RIMBP2: variants seen among roughly 807,000 people sequenced by gnomAD.
RIMBP2 encodes the protein RIMS-binding protein 2.
Under a neutral mutation model 118.6 loss-of-function variants are expected in RIMBP2, and 48 were observed. The observed-to-expected ratio is 0.40, with a 90% CI of 0.32 to 0.51. The LOEUF (loss-of-function observed/expected upper bound fraction) is 0.51. RIMBP2 is among the 20% of genes least tolerant of loss of function. The pLI is 0.41. For synonymous variants in RIMBP2, 762 were observed against 742.9 expected, an observed-to-expected ratio of 1.03 and a Z score of -0.42; for missense variants, 1,551 against 1,768.3, an observed-to-expected ratio of 0.88 and a Z score of 2.20.
rs576311082 is a variant in RIMBP2 at position 130,540,525 on chromosome 12, C to T, written c.-216-22608G>A. On this transcript the variant is annotated intron_variant, in intron 2 of 22. Coordinates refer to ENST00000690449, the MANE Select transcript of RIMBP2 (RefSeq NM_001393629.1). ...TCTCAGGAAACCGACCATCAGACCT[C>T]CCAGATAGCATCATGGAACTGAAAC... Among the ~76,000 whole-genome samples, 12 of 152,270 alleles carry T rather than the reference C, an allele frequency of 7.9e-5. No homozygotes were observed. The South Asian group carries it at 2.3e-3, about 29-fold the overall frequency.
At chr12:130,549,663 C>T (rs1397519452) in intron 2 of RIMBP2, among the ~76,000 whole-genome samples, 3 of 152,184 alleles carry the variant, frequency 2.0e-5, no homozygotes, top group Non-Finnish European at 4.4e-5. Flanking sequence ...CCAGCTCCTT[C>T]CATGTTTCCA....
chr12:130,440,753 T>G (rs75980149), intron 11 of RIMBP2, among the ~76,000 whole-genome samples: 2,624 of 152,280 alleles, frequency 0.017, 72 homozygotes, highest in African/African-American at 0.06. Flanking sequence ...CCTGCCTACG[T>G]TAGCTGCTAC....
At chr12:130,603,708 T>G (rs950785550) in intron 2 of RIMBP2, among the ~76,000 whole-genome samples, 1 of 152,178 alleles carries the variant, frequency 6.6e-6, no homozygotes, top group African/African-American at 2.4e-5. Flanking sequence ...GCTGTAGCCC[T>G]ATAGCCCGGT....
intron 4 of RIMBP2, among the ~76,000 whole-genome samples, chr12:130,490,387 C>T (rs377130241): frequency 2.0e-5 from 3 of 152,136 alleles, no homozygotes; most frequent in East Asian, 1.9e-4. Flanking sequence ...GGATTTTTTA[C>T]TATCCCTTAG....
chr12:130,494,576 T>C (rs964623272), intron 4 of RIMBP2, among the ~76,000 whole-genome samples: 15 of 150,668 alleles, frequency 1.0e-4, no homozygotes, highest in African/African-American at 3.7e-4. Context: ...GAGGCAGAGT[T>C]TGCAGTGAAC....
At chr12:130,504,420 A>G (rs752990648) in intron 4 of RIMBP2, among the ~76,000 whole-genome samples, 2 of 152,168 alleles carry the variant, frequency 1.3e-5, no homozygotes, top group Non-Finnish European at 2.9e-5. Context: ...TGAGGTTCCA[A>G]TTCCACTCAC....
intron 12 of RIMBP2, among the ~76,000 whole-genome samples, chr12:130,437,794 T>A (rs1386128266): frequency 2.0e-5 from 3 of 152,258 alleles, no homozygotes; most frequent in Admixed American, 6.5e-5. Context: ...CTGCCTCTGT[T>A]CCCAAGTCAC....
intron 5 of RIMBP2, chr12:130,471,718 C>T (rs1199912227): frequency 6.6e-6 from 1 of 152,420 alleles, no homozygotes. Flanking sequence ...CCCCCAGATG[C>T]TCCTGCTGCT....
intron 1 of RIMBP2, among the ~76,000 whole-genome samples, chr12:130,709,730 C>A (rs533448058): frequency 5.9e-4 from 90 of 152,222 alleles, no homozygotes; most frequent in Non-Finnish European, 1.0e-3. Flanking sequence ...GGAAACCCCC[C>A]CCCTTCCCAC....
intron 15 of RIMBP2, 51 bp downstream of exon 15, chr12:130,428,128 T>G: frequency 1.3e-6 from 2 of 1,502,136 alleles, no homozygotes; most frequent in Non-Finnish European, 1.8e-6. Flanking sequence ...GGGACGTGGA[T>G]GGAGCTACTC....
At chr12:130,609,208 A>G (rs1263747832) in intron 2 of RIMBP2, among the ~76,000 whole-genome samples, 1 of 151,710 alleles carries the variant, frequency 6.6e-6, no homozygotes, top group East Asian at 1.9e-4. Flanking sequence ...CTGCACCCCC[A>G]CGTATGAACT....
At chr12:130,704,721 A>G (rs1018859071) in intron 1 of RIMBP2, among the ~76,000 whole-genome samples, 14 of 152,076 alleles carry the variant, frequency 9.2e-5, no homozygotes, top group African/African-American at 3.1e-4. Context: ...CCCTGCCACC[A>G]CCGCCTCCAC....
At chr12:130,438,334 A>ACCCCCCCCCCC in intron 12 of RIMBP2, 31 bp downstream of exon 12, 1 of 1,344,518 alleles carries the variant, frequency 7.4e-7, no homozygotes, top group Non-Finnish European at 1.1e-6. Context: ...GGGCCTAACA[A>ACCCCCCCCCCC]ACCCTCCCCA....
intron 1 of RIMBP2, chr12:130,668,582 C>T (rs75168003): frequency 0.03 from 4,625 of 152,512 alleles, 104 homozygotes; most frequent in African/African-American, 0.062. Context: ...AGAAAGAACA[C>T]TCGGGGGCCA....
In RIMBP2 at chr12:130,424,952, T is replaced by G; in HGVS notation, c.2413-94A>C. On this transcript the variant is annotated intron_variant, in intron 15 of 22. Coordinates refer to ENST00000690449, the MANE Select transcript of RIMBP2 (RefSeq NM_001393629.1). The surrounding 1 kb of genome is among the most constrained non-coding windows in gnomAD (Gnocchi z 9.8). The stretch of plus-strand genomic sequence containing the variant: ...GGAGGAAAGAAAATACAGACAGAAT[T>G]AGTCCTGGAGGCACCGAGGGGGGGG... The G allele has an allele frequency of 7.7e-6, 5 of 650,724 alleles. No individual in the cohort carries two copies. The highest frequency in any genetic ancestry group is 2.0e-5 in the African/African-American group (1 of 51,214). 40.3% of individuals were successfully genotyped at this position (650,724 alleles called of 1,614,324 possible).
intron 1 of RIMBP2, among the ~76,000 whole-genome samples, chr12:130,640,008 G>C (rs2062543915): frequency 6.6e-6 from 1 of 152,138 alleles, no homozygotes; most frequent in South Asian, 2.1e-4. Flanking sequence ...ACCCTGTGGG[G>C]ACCTGGCTAG....
chr12:130,537,265 A>G (rs2054162260), intron 2 of RIMBP2, among the ~76,000 whole-genome samples: 3 of 152,168 alleles, frequency 2.0e-5, no homozygotes, highest in African/African-American at 7.2e-5. Context: ...ACGAGGCCAT[A>G]GTTTTGCTTA....
Position 130,437,265 on chromosome 12 carries a change from T to C in RIMBP2, c.1683A>G (p.Ala561=). Residue 561 remains alanine (A), a synonymous_variant, in exon 13 of 23, where the codon GCA becomes GCG. Coordinates refer to ENST00000690449, the MANE Select transcript of RIMBP2 (RefSeq NM_001393629.1). ...QRVAEVIFPT[A]DSTAVELVRL... ...GCACAAGCTCCACGGCCGTGCTGTC[T>C]GCCGTGGGGAAGATGACTTCAGCCA... 6.3e-7 allele frequency: 1 copy of C among 1,581,648 alleles called. No individual in the cohort carries two copies. The highest frequency in any genetic ancestry group is 2.3e-5 in the East Asian group (1 of 43,962).
rs1343729926 is a variant in RIMBP2 at position 130,450,882 on chromosome 12, G to A, written c.504+313C>T. 6.6e-6 allele frequency among the ~76,000 whole-genome samples: 1 copy of A among 151,704 alleles called. No individual in the cohort carries two copies. The highest frequency in any genetic ancestry group is 1.5e-5 in the Non-Finnish European group (1 of 67,966). ...TCCCCAACCTCCACAGGCCCCTCCC[G>A]GCCAGCTCTGCGTCAACAGCCTTGC... On this transcript the variant is annotated intron_variant, in intron 8 of 22. Coordinates refer to ENST00000690449, the MANE Select transcript of RIMBP2 (RefSeq NM_001393629.1). This position sits in a 1 kb window ranked among gnomAD's most constrained non-coding sequence, Gnocchi z 4.8.
Sources: allele counts gnomAD v4.1 joint callset (sites outside exome capture counted in the v4.1 genomes callset), GRCh38; gene constraint gnomAD v4.1.1; non-coding constraint Gnocchi (gnomAD v3.1); transcripts MANE v1.5; gene names NCBI Gene and HGNC (gene_info 2026-07-23, HGNC 2026-07-21).